PLD1: variants seen among roughly 807,000 people sequenced by gnomAD.
PLD1 encodes phospholipase D1.
A neutral mutation model predicts 137.1 loss-of-function variants in PLD1; 112 were observed. The observed-to-expected ratio is 0.82, with a 90% CI of 0.70 to 0.96. The LOEUF is 0.96. Among genes scored for constraint, PLD1 ranks in the 40% least tolerant of loss-of-function variants. The pLI, the probability that PLD1 is intolerant of heterozygous loss-of-function variation, is 0.00. For synonymous variants in PLD1, 431 were observed against 454.7 expected, an observed-to-expected ratio of 0.95 and a Z score of 0.66; for missense variants, 1,321 against 1,342.0, an observed-to-expected ratio of 0.98 and a Z score of 0.24.
Position 171,661,963 on chromosome 3 carries a change from T to C in PLD1, c.2340+97A>G, listed in dbSNP as rs549883104. On this transcript the variant is annotated intron_variant, in intron 20 of 26. Coordinates refer to ENST00000351298, the MANE Select transcript of PLD1 (RefSeq NM_002662.5). Reference sequence around the variant, plus strand: ...CTTTTCACGCCTCAAAATATACTTATTAATATGAGGGGTCCTAAGTTTGGG... The same window carrying C: ...CTTTTCACGCCTCAAAATATACTTACTAATATGAGGGGTCCTAAGTTTGGG... 7.8e-5 allele frequency: 49 copies of C among 627,612 alleles called. 2 individuals carry two copies. The South Asian group carries it at 9.5e-4, about 12-fold the overall frequency. 38.9% of individuals were successfully genotyped at this position (627,612 alleles called of 1,614,324 possible). A position where few individuals can be genotyped will look rare whatever the true frequency, so the allele number is the denominator to read the frequency against.
intron 1 of PLD1, among the ~76,000 whole-genome samples, chr3:171,775,635 G>A (rs1722562673): frequency 6.6e-6 from 1 of 152,096 alleles, no homozygotes; most frequent in Non-Finnish European, 1.5e-5. Flanking sequence ...CTGAGGTCAG[G>A]GGTTCAAGAC....
At chr3:171,724,078 CATAATACTGCTATT>C (rs1718332047) in intron 8 of PLD1, among the ~76,000 whole-genome samples, 1 of 152,118 alleles carries the variant, frequency 6.6e-6, no homozygotes, top group African/African-American at 2.4e-5. Context: ...GGCTATTATC[CATAATACTGCTATT>C]ATAATACTGC....
chr3:171,608,111 GAAC>G (rs910559279), intron 25 of PLD1, among the ~76,000 whole-genome samples: 1 of 152,144 alleles, frequency 6.6e-6, no homozygotes, highest in Non-Finnish European at 1.5e-5. Context: ...AATTATTGAA[GAAC>G]AACTGCCTCT....
In PLD1 at chr3:171,808,155, C is replaced by A. The variant is rs140182265; in HGVS notation, c.-32+2244G>T. On this transcript the variant is annotated intron_variant, in intron 1 of 26. Coordinates refer to ENST00000351298, the MANE Select transcript of PLD1 (RefSeq NM_002662.5). ...CACCTGGGTGACGGGACCAGTTGTA[C>A]CCCCAACCTCAGCTGCATGCTGTAT... Among the ~76,000 whole-genome samples, 566 of 152,168 alleles carry A rather than the reference C, an allele frequency of 3.7e-3. 3 individuals are homozygous for A. The highest frequency in any genetic ancestry group is 6.0e-3 in the Non-Finnish European group (409 of 67,990).
intron 1 of PLD1, among the ~76,000 whole-genome samples, chr3:171,772,960 A>G (rs1323857923): frequency 5.3e-5 from 8 of 152,216 alleles, no homozygotes; most frequent in Non-Finnish European, 7.3e-5. Flanking sequence ...CTCTGCAGAA[A>G]GAGCTTCAAA....
intron 18 of PLD1, among the ~76,000 whole-genome samples, chr3:171,674,852 G>A (rs190040430): frequency 1.3e-3 from 199 of 151,690 alleles, no homozygotes; most frequent in Non-Finnish European, 1.7e-3. Context: ...GGTGGCGGGC[G>A]CCTGTAATCC....
intron 25 of PLD1, among the ~76,000 whole-genome samples, chr3:171,611,904 A>C (rs940397422): frequency 1.3e-5 from 2 of 152,044 alleles, no homozygotes; most frequent in Non-Finnish European, 2.9e-5. Context: ...GCACAGCGAG[A>C]CACGGTATCT....
At chr3:171,726,139 AC>A (rs747528531) in intron 6 of PLD1, 63 bp from the exon 7 acceptor site, 6 of 1,065,792 alleles carry the variant, frequency 5.6e-6, no homozygotes, top group Middle Eastern at 2.2e-4. Flanking sequence ...GCATTAAAAA[AC>A]ATGTATTAGG....
intron 1 of PLD1, among the ~76,000 whole-genome samples, chr3:171,746,274 G>A (rs952248558): frequency 9.2e-5 from 14 of 152,220 alleles, no homozygotes; most frequent in African/African-American, 1.7e-4. Context: ...CTCGCAGCGC[G>A]GGACTGGCGG....
chr3:171,655,114 G>A (rs1260775350), intron 21 of PLD1, among the ~76,000 whole-genome samples: 1 of 152,220 alleles, frequency 6.6e-6, no homozygotes, highest in Non-Finnish European at 1.5e-5. Flanking sequence ...AGGCCTGGCT[G>A]ACTGCGGACT....
chr3:171,694,111 C>T (rs1360038500), intron 12 of PLD1, among the ~76,000 whole-genome samples: 1 of 152,020 alleles, frequency 6.6e-6, no homozygotes, highest in African/African-American at 2.4e-5. Flanking sequence ...TACTAACACT[C>T]TATTTTTCAT....
chr3:171,795,071 A>G (rs1578480025), intron 1 of PLD1, among the ~76,000 whole-genome samples: 2 of 152,368 alleles, frequency 1.3e-5, no homozygotes, highest in African/African-American at 4.8e-5. Context: ...TTTGTTTAAA[A>G]TCTCTCAATA....
chr3:171,635,133 C>T (rs1201946491), intron 23 of PLD1, among the ~76,000 whole-genome samples: 1 of 152,138 alleles, frequency 6.6e-6, no homozygotes, highest in Non-Finnish European at 1.5e-5. Context: ...TAATACTCCA[C>T]TGTATGGATA....
chr3:171,619,775 C>T (rs571470033), intron 24 of PLD1, among the ~76,000 whole-genome samples: 213 of 152,166 alleles, frequency 1.4e-3, no homozygotes, highest in African/African-American at 5.0e-3. Context: ...AATCTGGGCA[C>T]TTGGATTGTA....
chr3:171,686,648 A>C (rs749191405), intron 16 of PLD1, 37 bp downstream of exon 16: 4 of 1,068,780 alleles, frequency 3.7e-6, no homozygotes, highest in Middle Eastern at 2.1e-4. Flanking sequence ...CCAAAGCTCA[A>C]GCCTAAGGGA....
chr3:171,747,841 C>T (rs143189812), intron 1 of PLD1, among the ~76,000 whole-genome samples: 212 of 152,224 alleles, frequency 1.4e-3, no homozygotes, highest in African/African-American at 4.9e-3. Context: ...AAGGGTCACC[C>T]AACAATCTGA....
At chr3:171,681,402 T>G (rs183455235) in intron 16 of PLD1, among the ~76,000 whole-genome samples, 2 of 152,326 alleles carry the variant, frequency 1.3e-5, no homozygotes, top group East Asian at 3.9e-4. Context: ...TAGACCTATA[T>G]GTATTTACCA....
rs146182733 is a variant in PLD1 at position 171,758,261 on chromosome 3, G to A, written c.-31-20179C>T. ...ACTGAGGTTTAGAGGGATTGGTCAT[G>A]TGCTCACGTGACTCAGCTGGTGGGT... On this transcript the variant is annotated intron_variant, in intron 1 of 26. Transcript: ENST00000351298. Among the ~76,000 whole-genome samples the A allele has an allele frequency of 1.9e-4, 29 of 152,320 alleles. 1 individual carries two copies. In the East Asian group the frequency reaches 5.6e-3, roughly 29 times the overall value.
chr3:171,637,437 G>C (rs1341364761), intron 23 of PLD1, among the ~76,000 whole-genome samples: 2 of 151,964 alleles, frequency 1.3e-5, no homozygotes, highest in Non-Finnish European at 2.9e-5. Flanking sequence ...GTTTCACCAT[G>C]TTGGCCAGGA....
Sources: allele counts gnomAD v4.1 joint callset (sites outside exome capture counted in the v4.1 genomes callset), GRCh38; gene constraint gnomAD v4.1.1; transcripts MANE v1.5; gene names NCBI Gene and HGNC (gene_info 2026-07-23, HGNC 2026-07-21).